The following SEMA6D variants were observed in gnomAD, a reference collection of about 807,000 sequenced individuals.
The protein encoded by SEMA6D is semaphorin-6D.
SEMA6D carries 35 observed loss-of-function variants against 106.6 expected under a neutral mutation model. That is an observed-to-expected ratio of 0.33 (90% confidence interval 0.25 to 0.44). SEMA6D has a LOEUF of 0.44. Ranked by LOEUF, SEMA6D falls within the 20% of genes least tolerant of loss-of-function variation. The pLI, the probability that SEMA6D is intolerant of heterozygous loss-of-function variation, is 1.00. For synonymous variants in SEMA6D, 499 were observed against 487.7 expected, an observed-to-expected ratio of 1.02 and a Z score of -0.31; for missense variants, 1,185 against 1,345.9, an observed-to-expected ratio of 0.88 and a Z score of 1.87.
chr15:47,597,194 A>G (rs531733800), intron 3 of SEMA6D, among the ~76,000 whole-genome samples: 4 of 152,180 alleles, frequency 2.6e-5, no homozygotes, highest in South Asian at 2.1e-4. Context: ...CAGAATGCCT[A>G]TTACTAAAAA....
chr15:47,366,104 C>A (rs1320990809), intron 1 of SEMA6D, among the ~76,000 whole-genome samples: 1 of 152,126 alleles, frequency 6.6e-6, no homozygotes, highest in Non-Finnish European at 1.5e-5. Flanking sequence ...CAAAACTGAT[C>A]ACAAATGATA....
chr15:47,621,970 G>A (rs574362054), intron 4 of SEMA6D, among the ~76,000 whole-genome samples: 1 of 152,202 alleles, frequency 6.6e-6, no homozygotes, highest in African/African-American at 2.4e-5. Flanking sequence ...GCTAGTGGTT[G>A]CTGTCTCCTA....
chr15:47,395,428 A>G (rs912159602), intron 1 of SEMA6D: 2 of 152,246 alleles, frequency 1.3e-5, no homozygotes, highest in African/African-American at 4.8e-5. Context: ...GCTGTGCTTA[A>G]GACATTTACT....
At chr15:47,552,864 ATTTT>A (rs1170617364) in intron 3 of SEMA6D, among the ~76,000 whole-genome samples, 10 of 64,626 alleles carry the variant, frequency 1.5e-4, no homozygotes, top group East Asian at 8.8e-4. Context: ...ATATATATAT[ATTTT>A]TATATATATA....
chr15:47,336,592 A>G (rs1390114919), intron 1 of SEMA6D, among the ~76,000 whole-genome samples: 1 of 152,140 alleles, frequency 6.6e-6, no homozygotes, highest in Admixed American at 6.5e-5. Flanking sequence ...AATACCCACG[A>G]TGCTTTGGGT....
chr15:47,558,832 G>C (rs1805013509), intron 3 of SEMA6D, among the ~76,000 whole-genome samples: 1 of 152,032 alleles, frequency 6.6e-6, no homozygotes, highest in Non-Finnish European at 1.5e-5. Context: ...TAGAATCAGT[G>C]TAATTTCCAA....
chr15:47,312,127 G>T (rs1487075620), intron 1 of SEMA6D, among the ~76,000 whole-genome samples: 3 of 144,396 alleles, frequency 2.1e-5, no homozygotes, highest in Non-Finnish European at 4.5e-5. Context: ...ATTCATTTTT[G>T]CTTAGGCGTC....
At chr15:47,590,503 C>A (rs2076419479) in intron 3 of SEMA6D, among the ~76,000 whole-genome samples, 1 of 149,470 alleles carries the variant, frequency 6.7e-6, no homozygotes. Context: ...ACTTTGTGCA[C>A]ATATACCCTA....
intron 3 of SEMA6D, among the ~76,000 whole-genome samples, chr15:47,594,142 C>G (rs909869143): frequency 1.3e-5 from 2 of 152,222 alleles, no homozygotes; most frequent in Non-Finnish European, 2.9e-5. Flanking sequence ...GGCTTAAACA[C>G]TATGAAAGAT....
chr15:47,306,532 G>A (rs990061729), intron 1 of SEMA6D, among the ~76,000 whole-genome samples: 10 of 152,070 alleles, frequency 6.6e-5, no homozygotes, highest in Non-Finnish European at 5.9e-5. Context: ...GACCAGCCTG[G>A]CCAACATGGC....
At chr15:47,759,978 T>C (rs1242260139) in intron 2 of SEMA6D, 71 bp downstream of exon 2, 2 of 1,158,204 alleles carry the variant, frequency 1.7e-6, no homozygotes, top group Non-Finnish European at 2.6e-6. Flanking sequence ...GTAAGCATGT[T>C]CATTTTCAGA....
At chr15:47,277,702 G>A (rs1390688143) in intron 1 of SEMA6D, among the ~76,000 whole-genome samples, 3 of 151,282 alleles carry the variant, frequency 2.0e-5, no homozygotes, top group Non-Finnish European at 4.4e-5. Context: ...ATGCTGGTGC[G>A]CTGCACCTAC....
chr15:47,535,712 A>T (rs930423942), intron 3 of SEMA6D, among the ~76,000 whole-genome samples: 4 of 152,006 alleles, frequency 2.6e-5, no homozygotes, highest in African/African-American at 9.7e-5. Flanking sequence ...GATGAATGGT[A>T]TGGGAGTTTT....
chr15:47,421,027 G>A (rs1332715345), intron 2 of SEMA6D, among the ~76,000 whole-genome samples: 1 of 152,146 alleles, frequency 6.6e-6, no homozygotes, highest in Admixed American at 6.6e-5. Flanking sequence ...GGATTTTAAA[G>A]TCTAATATGT....
At chr15:47,445,918 A>G (rs1485338737) in intron 2 of SEMA6D, among the ~76,000 whole-genome samples, 3 of 152,172 alleles carry the variant, frequency 2.0e-5, no homozygotes, top group Non-Finnish European at 4.4e-5. Context: ...TGTGCTGGCA[A>G]CACAACACAG....
chr15:47,608,728 T>C (rs1327123243), intron 4 of SEMA6D, among the ~76,000 whole-genome samples: 1 of 152,166 alleles, frequency 6.6e-6, no homozygotes, highest in Admixed American at 6.5e-5. Flanking sequence ...TCAACAATAA[T>C]TCAATCTCCT....
intron 1 of SEMA6D, among the ~76,000 whole-genome samples, chr15:47,346,849 C>G (rs1226575174): frequency 1.3e-5 from 2 of 152,088 alleles, no homozygotes; most frequent in African/African-American, 4.8e-5. Context: ...TAATTGATGA[C>G]AACTTGCAAT....
chr15:47,293,364 C>A (rs2035669871), intron 1 of SEMA6D, among the ~76,000 whole-genome samples: 1 of 152,198 alleles, frequency 6.6e-6, no homozygotes, highest in South Asian at 2.1e-4. Context: ...AGCATCCTGG[C>A]AGTTCCTTAC....
intron 3 of SEMA6D, among the ~76,000 whole-genome samples, chr15:47,570,515 A>G (rs893881441): frequency 6.6e-6 from 1 of 152,228 alleles, no homozygotes; most frequent in Admixed American, 6.5e-5. Flanking sequence ...ACTGAAAAAG[A>G]AGTAAAGTGT....
Sources: gnomAD v4.1 joint callset for allele counts (sites outside exome capture counted in the v4.1 genomes callset) on GRCh38, gnomAD v4.1.1 for gene constraint, MANE v1.5 for transcripts, NCBI Gene and HGNC (gene_info 2026-07-23, HGNC 2026-07-21) for gene names.